The following TAF4 variants were observed in gnomAD, a reference collection of about 807,000 sequenced individuals.
TAF4 encodes the protein transcription initiation factor TFIID subunit 4.
A neutral mutation model predicts 90.3 loss-of-function variants in TAF4; 9 were observed. The ratio of observed to expected loss-of-function variants is 0.10; its 90% confidence interval spans 0.06 to 0.17. TAF4 has a LOEUF of 0.17. TAF4 is among the 10% of genes least tolerant of loss of function. The pLI is 1.00. For synonymous variants in TAF4, 818 were observed against 638.9 expected (o/e 1.28, Z -4.23); for missense variants, 1,351 against 1,370.7 (o/e 0.99, Z 0.23).
chr20:62,061,423 G>A (rs1329646859), intron 1 of TAF4, among the ~76,000 whole-genome samples: 2 of 151,886 alleles, frequency 1.3e-5, no homozygotes, highest in Non-Finnish European at 2.9e-5. Flanking sequence ...GTGCTTTTCT[G>A]TCCTGGAATG....
chr20:62,046,188 G>C (rs1434921812), intron 1 of TAF4, among the ~76,000 whole-genome samples: 1 of 152,186 alleles, frequency 6.6e-6, no homozygotes, highest in East Asian at 1.9e-4. Context: ...ACAGGCAACA[G>C]GAAGGAACAT....
intron 9 of TAF4, among the ~76,000 whole-genome samples, chr20:62,002,510 A>C (rs531404240): frequency 9.2e-5 from 14 of 152,230 alleles, no homozygotes; most frequent in African/African-American, 3.4e-4. Flanking sequence ...ATTTTTCTAG[A>C]AACAGGGCCT....
intron 9 of TAF4, 101 bp from the exon 10 acceptor site, chr20:62,000,822 G>T (rs1053393907): frequency 7.6e-7 from 1 of 1,321,148 alleles, no homozygotes; most frequent in East Asian, 2.3e-5. Flanking sequence ...AGGCAGGGCC[G>T]TGAGGAGGCC....
chr20:62,013,992 G>T (rs1181730659), intron 2 of TAF4, among the ~76,000 whole-genome samples: 1 of 146,028 alleles, frequency 6.8e-6, no homozygotes, highest in South Asian at 2.2e-4. Flanking sequence ...CGGGAGCTTC[G>T]GCCCTGAAGG....
intron 13 of TAF4, 69 bp downstream of exon 13, chr20:61,998,067 C>T: frequency 1.4e-6 from 2 of 1,470,428 alleles, no homozygotes; most frequent in East Asian, 2.3e-5. Flanking sequence ...GTTTCCTTAG[C>T]CCCCCTCCCG....
At chr20:62,021,346 A>C (rs1214335405) in intron 1 of TAF4, among the ~76,000 whole-genome samples, 2 of 152,252 alleles carry the variant, frequency 1.3e-5, no homozygotes, top group East Asian at 3.8e-4. Flanking sequence ...ATGAAGCAGA[A>C]GGGAGGAACA....
chr20:62,006,407 C>T lies in TAF4; in HGVS notation c.2223+103G>A, dbSNP rs1192953841. On this transcript the variant is annotated intron_variant, in intron 7 of 14. Coordinates refer to ENST00000252996, the MANE Select transcript of TAF4 (RefSeq NM_003185.4). This position sits in a 1 kb window ranked among gnomAD's most constrained non-coding sequence, Gnocchi z 7.0. ...GCTTCCTCTAGCAGGAGGCTTCCTG[C>T]ATGCTTGGAAAAGGTTTCTGAGCCG... 5 of 1,283,530 alleles carry T rather than the reference C, an allele frequency of 3.9e-6. No homozygotes were observed. Among genetic ancestry groups the T allele is most frequent in the Non-Finnish European group, 4.9e-6 (5 of 1,010,328 alleles). The allele number at this position is 1,283,530 out of a possible 1,614,324, so 79.5% of individuals were successfully genotyped here. A position where few individuals can be genotyped will look rare whatever the true frequency, so the allele number is the denominator to read the frequency against.
At chr20:62,020,626 C>T (rs1030101013) in intron 1 of TAF4, among the ~76,000 whole-genome samples, 11 of 152,362 alleles carry the variant, frequency 7.2e-5, no homozygotes, top group Non-Finnish European at 1.6e-4. Context: ...GATGGGCAAA[C>T]AGCCAGGGAC....
chr20:62,036,387 T>G (rs1212800632), intron 1 of TAF4, among the ~76,000 whole-genome samples: 1 of 152,168 alleles, frequency 6.6e-6, no homozygotes, highest in Non-Finnish European at 1.5e-5. Context: ...ACCCCCAGAT[T>G]CGAGGAATTG....
chr20:61,998,929 G>A (rs1388643307), intron 12 of TAF4, 54 bp downstream of exon 12: 3 of 1,600,656 alleles, frequency 1.9e-6, no homozygotes, highest in East Asian at 2.2e-5. Flanking sequence ...AGCTCATCAG[G>A]TTGTGGCTGA....
chr20:62,064,185 G>GA (rs879899963), intron 1 of TAF4: 41 of 383,500 alleles, frequency 1.1e-4, no homozygotes, highest in South Asian at 7.8e-4. Flanking sequence ...GAGCCACTCC[G>GA]AAACAGACCA....
At chr20:62,003,918 G>C in intron 7 of TAF4, 40 bp from the exon 8 acceptor site, 1 of 1,509,566 alleles carries the variant, frequency 6.6e-7, no homozygotes, top group South Asian at 1.3e-5. Context: ...CATGCTCCCC[G>C]AGGGCCAGGG....
rs760053173 is a variant in TAF4, at chr20:62,065,683, A to AGGT, written c.125_127dup (p.His42dup). ...CCGCACCTCGGGCGTGCGCGGCGCG[A>AGGT]GGTGGTGGTGGTGGGCCGCGCTGGC... On this transcript the variant is annotated inframe_insertion, in exon 1 of 15. Transcript: ENST00000252996. 4 of 1,199,650 alleles carry AGGT rather than the reference A, an allele frequency of 3.3e-6. No individual in the cohort carries two copies. Among genetic ancestry groups the AGGT allele is most frequent in the East Asian group, 4.9e-5 (1 of 20,426 alleles). The allele number at this position is 1,199,650 out of a possible 1,614,324, so 74.3% of individuals were successfully genotyped here.
intron 1 of TAF4, among the ~76,000 whole-genome samples, chr20:62,053,657 T>C (rs1164779550): frequency 6.6e-6 from 1 of 152,146 alleles, no homozygotes; most frequent in Admixed American, 6.5e-5. Context: ...TACTGCCGAG[T>C]GAACGTTTGT....
At chr20:62,015,352 C>A (rs780213332) in intron 1 of TAF4, among the ~76,000 whole-genome samples, 1 of 152,232 alleles carries the variant, frequency 6.6e-6, no homozygotes, top group Non-Finnish European at 1.5e-5. Flanking sequence ...GAAAGCAAAT[C>A]CTGCCATTCA....
At chr20:62,029,354 C>T (rs1331639819) in intron 1 of TAF4, among the ~76,000 whole-genome samples, 1 of 152,178 alleles carries the variant, frequency 6.6e-6, no homozygotes, top group Non-Finnish European at 1.5e-5. Context: ...ATAATCTCCA[C>T]TTGGGGGCGG....
At chr20:62,040,016 C>G (rs1418939605) in intron 1 of TAF4, among the ~76,000 whole-genome samples, 1 of 152,224 alleles carries the variant, frequency 6.6e-6, no homozygotes, top group Non-Finnish European at 1.5e-5. Context: ...AGGATGTCAA[C>G]CTTTATGCGC....
At position 62,065,850 on chromosome 20, in the gene TAF4, G is replaced by T; in HGVS notation, c.-40C>A. ...CGCCGCCGCCGCCGCCGCTCGGGCC[G>T]AGCGCGCCTGGGCGAGGAGGAGGTT... On this transcript the variant is annotated 5_prime_UTR_variant, in exon 1 of 15. Transcript: ENST00000252996. 1 of 1,227,350 alleles carries T rather than the reference G, an allele frequency of 8.1e-7. No homozygotes were observed. The allele number at this position is 1,227,350 out of a possible 1,614,324, so 76.0% of individuals were successfully genotyped here.
At chr20:62,002,786 C>T (rs1316079918) in intron 9 of TAF4, among the ~76,000 whole-genome samples, 5 of 152,178 alleles carry the variant, frequency 3.3e-5, no homozygotes, top group African/African-American at 1.2e-4. Flanking sequence ...TGAGCCACTA[C>T]GCCTGGAGCA....
Sources: allele counts gnomAD v4.1 joint callset (sites outside exome capture counted in the v4.1 genomes callset), GRCh38; gene constraint gnomAD v4.1.1; non-coding constraint Gnocchi (gnomAD v3.1); transcripts MANE v1.5; gene names NCBI Gene and HGNC (gene_info 2026-07-23, HGNC 2026-07-21).